SULF1: variants seen among roughly 807,000 people sequenced by gnomAD.
SULF1 encodes extracellular sulfatase Sulf-1.
A neutral mutation model predicts 110.5 loss-of-function variants in SULF1; 46 were observed. The ratio of observed to expected loss-of-function variants is 0.42; its 90% confidence interval spans 0.33 to 0.53. The LOEUF (loss-of-function observed/expected upper bound fraction) is 0.53, where lower values mean the gene tolerates loss of function less well. Among genes scored for constraint, SULF1 ranks in the 20% least tolerant of loss-of-function variants. The pLI is 0.12. For synonymous variants in SULF1, 371 were observed against 387.1 expected, an observed-to-expected ratio of 0.96 and a Z score of 0.49; for missense variants, 941 against 1,094.2, an observed-to-expected ratio of 0.86 and a Z score of 1.98.
intron 18 of SULF1, among the ~76,000 whole-genome samples, chr8:69,628,993 C>A (rs562109913): frequency 6.6e-6 from 1 of 152,130 alleles, no homozygotes; most frequent in Non-Finnish European, 1.5e-5. Flanking sequence ...TCAATAAGGT[C>A]CCAAGAAAGC....
intron 22 of SULF1, among the ~76,000 whole-genome samples, chr8:69,650,539 G>C (rs1189209058): frequency 6.6e-6 from 1 of 152,162 alleles, no homozygotes; most frequent in African/African-American, 2.4e-5. Flanking sequence ...GTTACTCAGA[G>C]GCAGAGCTTG....
At chr8:69,648,919 A>G (rs1012925047) in intron 22 of SULF1, among the ~76,000 whole-genome samples, 4 of 152,184 alleles carry the variant, frequency 2.6e-5, no homozygotes, top group African/African-American at 9.7e-5. Context: ...CGACCTGGGT[A>G]TGTTCTTGAA....
chr8:69,619,541 T>A (rs1809440920), intron 13 of SULF1, among the ~76,000 whole-genome samples: 2 of 152,204 alleles, frequency 1.3e-5, no homozygotes, highest in Non-Finnish European at 2.9e-5. Flanking sequence ...CATATTTACT[T>A]GGATGTAAGC....
At chr8:69,563,278 A>C (rs912289284) in intron 3 of SULF1, 2 of 152,132 alleles carry the variant, frequency 1.3e-5, no homozygotes, top group Non-Finnish European at 2.9e-5. Context: ...GGGATGTGTA[A>C]AGTACTGTCA....
intron 3 of SULF1, among the ~76,000 whole-genome samples, chr8:69,512,745 A>G (rs1260270358): frequency 2.0e-5 from 3 of 151,322 alleles, no homozygotes; most frequent in Non-Finnish European, 4.4e-5. Flanking sequence ...GCCCTAACAT[A>G]TCTCATCTTA....
Position 69,658,818 on chromosome 8 carries a change from G to A in SULF1, c.*283G>A. ...CTGCTGACTCAGATGAAGACCCAAGGCATAAGGTTGGGAAAACACCTCATT... is the reference window on the plus strand; with the variant it reads ...CTGCTGACTCAGATGAAGACCCAAGACATAAGGTTGGGAAAACACCTCATT... On this transcript the variant is annotated 3_prime_UTR_variant, in exon 23 of 23. Coordinates refer to ENST00000402687, the MANE Select transcript of SULF1 (RefSeq NM_001128205.2). The A allele has an allele frequency of 3.3e-6, 2 of 601,606 alleles. No individual in the cohort carries two copies. Among genetic ancestry groups the A allele is most frequent in the Non-Finnish European group, 6.2e-6 (2 of 320,564 alleles). 37.3% of individuals were successfully genotyped at this position (601,606 alleles called of 1,614,324 possible).
intron 14 of SULF1, among the ~76,000 whole-genome samples, chr8:69,622,047 A>G (rs1337392190): frequency 6.6e-6 from 1 of 152,258 alleles, no homozygotes; most frequent in Admixed American, 6.5e-5. Context: ...CCCTGAGAAC[A>G]GGCATTTTTA....
At chr8:69,546,010 A>G (rs994700400) in intron 3 of SULF1, among the ~76,000 whole-genome samples, 2 of 152,194 alleles carry the variant, frequency 1.3e-5, no homozygotes, top group African/African-American at 4.8e-5. Context: ...ACTGTTTTAT[A>G]GAACTGTCCC....
At chr8:69,640,987 T>C (rs1387577388) in intron 22 of SULF1, 146 bp downstream of exon 22, 2 of 607,870 alleles carry the variant, frequency 3.3e-6, no homozygotes, top group Non-Finnish European at 5.4e-6. Flanking sequence ...TCCACTATGT[T>C]TTGTCATTGA....
At chr8:69,649,287 CT>C (rs1017812498) in intron 22 of SULF1, among the ~76,000 whole-genome samples, 4 of 152,010 alleles carry the variant, frequency 2.6e-5, no homozygotes, top group African/African-American at 4.8e-5. Flanking sequence ...CTCCACACAC[CT>C]TTTTTTTCTG....
intron 2 of SULF1, among the ~76,000 whole-genome samples, chr8:69,497,962 A>T (rs1003101616): frequency 2.6e-5 from 4 of 152,234 alleles, no homozygotes; most frequent in African/African-American, 9.6e-5. Flanking sequence ...GAAGATGGTA[A>T]TGTCAAATTA....
intron 8 of SULF1, among the ~76,000 whole-genome samples, chr8:69,591,923 C>G (rs148323397): frequency 1.3e-5 from 2 of 152,314 alleles, no homozygotes; most frequent in African/African-American, 4.8e-5. Flanking sequence ...CTATCTCATC[C>G]TCGATAAAGT....
At chr8:69,593,301 C>T (rs560106982) in intron 8 of SULF1, among the ~76,000 whole-genome samples, 1 of 152,266 alleles carries the variant, frequency 6.6e-6, no homozygotes, top group East Asian at 1.9e-4. Context: ...GCTTCCTTAG[C>T]GAAAACATTA....
Position 69,603,332 on chromosome 8 carries a change from T to C in SULF1, c.1190+12T>C. The C allele has an allele frequency of 6.2e-7, 1 of 1,613,946 alleles. No homozygotes were observed. Among genetic ancestry groups the C allele is most frequent in the Non-Finnish European group, 8.5e-7 (1 of 1,180,026 alleles). On this transcript the variant is annotated intron_variant, in intron 11 of 22. Coordinates refer to ENST00000402687, the MANE Select transcript of SULF1 (RefSeq NM_001128205.2). ...AAGCCAGGTAACAGGTGTGTCATTG[T>C]TCCTCCTCTCAGCCAGCCCCAAATA... is the stretch of plus-strand genomic sequence containing the variant.
Position 69,627,760 on chromosome 8 carries a change from CAT to C in SULF1, c.1948-11_1948-10del. On this transcript the variant is annotated splice_polypyrimidine_tract_variant and intron_variant, in intron 16 of 22. Transcript: ENST00000402687. Reference sequence around the variant, plus strand: ...ATCTTAATACGTAAGTGCTTGAAAACATGTTTTCCAGATTGAAGCTCTGCAAG... The same window carrying C: ...ATCTTAATACGTAAGTGCTTGAAAACGTTTTCCAGATTGAAGCTCTGCAAG... 1.9e-6 allele frequency: 3 copies of C among 1,572,840 alleles called. No individual in the cohort carries two copies. Among genetic ancestry groups the C allele is most frequent in the Non-Finnish European group, 2.6e-6 (3 of 1,149,336 alleles).
intron 3 of SULF1, 103 bp from the exon 4 acceptor site, chr8:69,563,436 A>C (rs905704732): frequency 2.0e-5 from 3 of 153,162 alleles, no homozygotes. Context: ...TATGTAATAT[A>C]TACACATATA....
intron 3 of SULF1, among the ~76,000 whole-genome samples, chr8:69,560,270 A>G (rs1815390512): frequency 6.6e-6 from 1 of 151,934 alleles, no homozygotes; most frequent in African/African-American, 2.4e-5. Flanking sequence ...TTCAGTTTAG[A>G]TTGGGGTATT....
At chr8:69,554,111 C>T (rs923484488) in intron 3 of SULF1, among the ~76,000 whole-genome samples, 2 of 152,140 alleles carry the variant, frequency 1.3e-5, no homozygotes, top group African/African-American at 4.8e-5. Context: ...GCCCATCATC[C>T]AGTTTAATTA....
intron 3 of SULF1, among the ~76,000 whole-genome samples, chr8:69,558,924 T>A (rs962234826): frequency 1.3e-5 from 2 of 152,180 alleles, no homozygotes; most frequent in Admixed American, 6.5e-5. Context: ...ATGATATATT[T>A]TATTAAAAAA....
Sources: gnomAD v4.1 joint callset for allele counts (sites outside exome capture counted in the v4.1 genomes callset) on GRCh38, gnomAD v4.1.1 for gene constraint, MANE v1.5 for transcripts, NCBI Gene and HGNC (gene_info 2026-07-23, HGNC 2026-07-21) for gene names.